The following DMD variants were observed in gnomAD, a reference collection of about 807,000 sequenced individuals.
The protein encoded by DMD is dystrophin, also known as mutant dystrophin.
In DMD, 63 loss-of-function variants were observed where a neutral mutation model predicts 330.1. The observed-to-expected ratio is 0.19, with a 90% CI of 0.16 to 0.24. DMD has a LOEUF of 0.24. DMD is among the 10% of genes least tolerant of loss of function. The pLI, the probability that DMD is intolerant of heterozygous loss-of-function variation, is 1.00. For missense variants in DMD, 3,344 were observed against 2,684.1 expected (o/e 1.25, Z -5.43); for synonymous variants, 1,223 against 959.8 (o/e 1.27, Z -5.07).
At chrX:32,498,263 C>T (rs2043696649) in intron 19 of DMD, among the ~76,000 whole-genome samples, 1 of 111,246 alleles carries the variant, frequency 9.0e-6, no homozygotes, top group Non-Finnish European at 1.9e-5. Flanking sequence ...TTTGCACCAT[C>T]CAATATTCTG....
chrX:32,892,316 C>T (rs1384530963), intron 2 of DMD, among the ~76,000 whole-genome samples: 1 of 112,384 alleles, frequency 8.9e-6, no homozygotes, highest in Non-Finnish European at 1.9e-5. Context: ...ATTAGCATCA[C>T]CCGAGGAGCT....
intron 52 of DMD, among the ~76,000 whole-genome samples, chrX:31,713,768 C>T (rs6631371): frequency 0.16 from 17,283 of 111,078 alleles, 1,181 homozygotes; most frequent in Admixed American, 0.32. Flanking sequence ...ATCATGGTTT[C>T]CTTGGAACAC....
intron 29 of DMD, among the ~76,000 whole-genome samples, chrX:32,428,530 T>C (rs2098222564): frequency 8.9e-6 from 1 of 112,190 alleles, no homozygotes; most frequent in Admixed American, 9.5e-5. Flanking sequence ...TCTCCCACCA[T>C]GCTGATATAG....
intron 30 of DMD, among the ~76,000 whole-genome samples, chrX:32,398,522 T>C (rs912219210): frequency 2.7e-5 from 3 of 110,626 alleles, no homozygotes; most frequent in Non-Finnish European, 5.7e-5. Context: ...GGGTCAAAAA[T>C]CTCCAGCAGA....
chrX:31,866,571 C>T (rs1027385256), intron 48 of DMD, among the ~76,000 whole-genome samples: 2 of 112,221 alleles, frequency 1.8e-5, no homozygotes, highest in African/African-American at 3.2e-5. Context: ...TATTCATAAG[C>T]TTTGCTAGTT....
intron 25 of DMD, among the ~76,000 whole-genome samples, chrX:32,458,907 C>T (rs889105839): frequency 9.0e-5 from 10 of 110,795 alleles, no homozygotes; most frequent in Admixed American, 4.8e-4. Context: ...TAATCATTTG[C>T]CAGACATATG....
intron 52 of DMD, among the ~76,000 whole-genome samples, chrX:31,724,638 A>G (rs541485927): frequency 8.9e-6 from 1 of 112,018 alleles, no homozygotes; most frequent in East Asian, 2.8e-4. Flanking sequence ...TTTAGCTAAT[A>G]AAAGGCCACA....
intron 11 of DMD, among the ~76,000 whole-genome samples, chrX:32,638,874 A>G (rs960922595): frequency 1.6e-4 from 18 of 111,208 alleles, no homozygotes; most frequent in African/African-American, 5.2e-4. Flanking sequence ...TCTTATTTCC[A>G]GAGTCAAATA....
At chrX:33,079,756 A>AG (rs1454309445) in intron 1 of DMD, among the ~76,000 whole-genome samples, 59 of 111,792 alleles carry the variant, frequency 5.3e-4, no homozygotes, top group Non-Finnish European at 1.5e-4. Context: ...ATAGAATCCC[A>AG]GGTCACCATA....
chrX:32,062,096 T>C (rs910338400), intron 44 of DMD, among the ~76,000 whole-genome samples: 1 of 111,095 alleles, frequency 9.0e-6, no homozygotes, highest in Non-Finnish European at 1.9e-5. Context: ...GTACACATAT[T>C]CAGGGTCATT....
rs772161214 is a variant in DMD, at chrX:33,128,177, C to T, written c.31+83105G>A. Reference sequence around the variant, plus strand: ...GAGACCTCAGACATTTCAAATTCTGCGGAGGCTGGCTACACACCTTCATAG... The same window carrying T: ...GAGACCTCAGACATTTCAAATTCTGTGGAGGCTGGCTACACACCTTCATAG... On this transcript the variant is annotated intron_variant, in intron 1 of 78. Coordinates refer to ENST00000357033, the MANE Select transcript of DMD (RefSeq NM_004006.3). 7.5e-6 allele frequency: 9 copies of T among 1,203,258 alleles called. No homozygotes were observed. The highest frequency in any genetic ancestry group is 7.0e-5 in the African/African-American group (4 of 57,051).
chrX:32,166,900 G>A (rs748213101), intron 44 of DMD, among the ~76,000 whole-genome samples: 1 of 111,982 alleles, frequency 8.9e-6, no homozygotes, highest in African/African-American at 3.2e-5. Context: ...AAATAATAAA[G>A]TTGAGCATTA....
chrX:31,452,346 G>A (rs984964126), intron 59 of DMD, among the ~76,000 whole-genome samples: 2 of 109,337 alleles, frequency 1.8e-5, no homozygotes, highest in Admixed American at 9.7e-5. Context: ...ACTTTGGGAG[G>A]CTGAGGTGGG....
At chrX:32,994,949 C>CA (rs2093077016) in intron 2 of DMD, among the ~76,000 whole-genome samples, 1 of 111,556 alleles carries the variant, frequency 9.0e-6, no homozygotes, top group South Asian at 3.8e-4. Context: ...CCCATCTCTA[C>CA]AAAAAATAGG....
At chrX:31,833,358 A>AG (rs2093115030) in intron 49 of DMD, among the ~76,000 whole-genome samples, 11 of 85,498 alleles carry the variant, frequency 1.3e-4, no homozygotes, top group East Asian at 4.4e-4. Context: ...GGAGGGAGGG[A>AG]AAGAGAGAGA....
intron 55 of DMD, among the ~76,000 whole-genome samples, chrX:31,563,254 G>A (rs971500178): frequency 2.7e-5 from 3 of 110,491 alleles, no homozygotes; most frequent in Non-Finnish European, 3.8e-5. Flanking sequence ...TAGTAGAGAC[G>A]GGGTTTCACC....
At chrX:31,798,202 T>C (rs780877298) in intron 50 of DMD, among the ~76,000 whole-genome samples, 1 of 111,923 alleles carries the variant, frequency 8.9e-6, no homozygotes, top group African/African-American at 3.3e-5. Flanking sequence ...TTGAAGCTCA[T>C]ACAGTTTTTG....
At chrX:33,288,815 A>T (rs948595965) in intron 1 of DMD, among the ~76,000 whole-genome samples, 2 of 111,874 alleles carry the variant, frequency 1.8e-5, no homozygotes, top group African/African-American at 6.5e-5. Context: ...TCATTAGAAC[A>T]TTAAGGATTG....
intron 61 of DMD, among the ~76,000 whole-genome samples, chrX:31,333,296 C>A (rs2057234511): frequency 1.8e-5 from 2 of 109,212 alleles, no homozygotes; most frequent in Admixed American, 2.0e-4. Context: ...CATAACCAAG[C>A]TTACTATTTT....
Sources: allele counts gnomAD v4.1 joint callset (sites outside exome capture counted in the v4.1 genomes callset), GRCh38; gene constraint gnomAD v4.1.1; transcripts MANE v1.5; gene names NCBI Gene and HGNC (gene_info 2026-07-23, HGNC 2026-07-21).